TARBP1: variants seen among roughly 807,000 people sequenced by gnomAD.
The protein encoded by TARBP1 is tRNA (guanosine(18)-2'-O)-methyltransferase TARBP1.
Under a neutral mutation model 178.6 loss-of-function variants are expected in TARBP1, and 144 were observed. The ratio of observed to expected loss-of-function variants is 0.81; its 90% CI spans 0.70 to 0.93. TARBP1 has a LOEUF of 0.93. TARBP1 is among the 40% of genes least tolerant of loss of function. The probability of loss-of-function intolerance (pLI) is 0.00; values close to 1 mark genes in which losing one functional copy is unlikely to be tolerated. For synonymous variants in TARBP1, 787 were observed against 781.0 expected (o/e 1.01, Z -0.13); for missense variants, 2,067 against 2,011.7 (o/e 1.03, Z -0.53).
chr1:234,451,766 A>AAAAAAAAAAACAAAAAAAC (rs57636903), intron 9 of TARBP1, among the ~76,000 whole-genome samples: 6 of 17,174 alleles, frequency 3.5e-4, no homozygotes, highest in Non-Finnish European at 5.3e-4. Flanking sequence ...AAAAAAAAAA[A>AAAAAAAAAAACAAAAAAAC]TGATGAATGA....
chr1:234,437,102 T>C (rs139584943), intron 13 of TARBP1, among the ~76,000 whole-genome samples, 173 bp downstream of exon 13: 130 of 152,316 alleles, frequency 8.5e-4, no homozygotes, highest in African/African-American at 3.0e-3. Flanking sequence ...ACAATACAGA[T>C]GGAATTGGAA....
intron 6 of TARBP1, among the ~76,000 whole-genome samples, chr1:234,461,936 A>G (rs1464819739): frequency 6.6e-6 from 1 of 152,200 alleles, no homozygotes; most frequent in Non-Finnish European, 1.5e-5. Flanking sequence ...CTAAAAGGAT[A>G]TTACGCGGAC....
intron 26 of TARBP1, among the ~76,000 whole-genome samples, chr1:234,395,498 C>T (rs1659837763): frequency 6.6e-6 from 1 of 152,136 alleles, no homozygotes; most frequent in African/African-American, 2.4e-5. Flanking sequence ...AGAGCAAAAA[C>T]AGGACAAGAA....
At chr1:234,476,242 A>T (rs1669557780) in intron 1 of TARBP1, among the ~76,000 whole-genome samples, 1 of 152,274 alleles carries the variant, frequency 6.6e-6, no homozygotes, top group Non-Finnish European at 1.5e-5. Context: ...GATGGCAGAC[A>T]TAAAGGAGCA....
At chr1:234,401,383 CTTTATCCTAAGA>C (rs986531368) in intron 24 of TARBP1, 121 bp from the exon 25 acceptor site, 16 of 672,656 alleles carry the variant, frequency 2.4e-5, no homozygotes, top group Non-Finnish European at 3.4e-5. Context: ...ATTTTATGAA[CTTTATCCTAAGA>C]TTTATACACA....
rs371064653 is a variant in TARBP1 at position 234,452,989 on chromosome 1, T to C, written c.1723-2423A>G. Among the ~76,000 whole-genome samples the C allele has an allele frequency of 1.8e-4, 27 of 152,210 alleles. No homozygotes were observed. The East Asian group carries it at 3.1e-3, about 17-fold the overall frequency. On this transcript the variant is annotated intron_variant, in intron 9 of 29. Coordinates refer to ENST00000040877, the MANE Select transcript of TARBP1 (RefSeq NM_005646.4). ...AGGCTGGGTCCTGTATGATTCCAAC[T>C]ATGTGGCATTATGGAAAAGACAAAA...
intron 6 of TARBP1, 122 bp from the exon 7 acceptor site, chr1:234,460,518 A>C: frequency 1.0e-6 from 1 of 973,520 alleles, no homozygotes; most frequent in Non-Finnish European, 1.5e-6. Context: ...CCCACACACT[A>C]TGATGGCTAT....
intron 24 of TARBP1, among the ~76,000 whole-genome samples, chr1:234,403,987 C>T (rs1024259082): frequency 5.9e-5 from 9 of 152,130 alleles, no homozygotes; most frequent in African/African-American, 2.2e-4. Context: ...TGCACCCAGC[C>T]GGATGCCTTA....
intron 3 of TARBP1, among the ~76,000 whole-genome samples, chr1:234,469,111 T>A (rs1171565015): frequency 2.3e-5 from 3 of 128,904 alleles, no homozygotes; most frequent in Non-Finnish European, 3.2e-5. Flanking sequence ...CGCAACGACT[T>A]TCGCACCAAC....
At chr1:234,426,902 G>A (rs1390462212) in intron 19 of TARBP1, among the ~76,000 whole-genome samples, 1 of 152,124 alleles carries the variant, frequency 6.6e-6, no homozygotes, top group African/African-American at 2.4e-5. Context: ...TGTTCCAAGA[G>A]TAATTCTATT....
intron 29 of TARBP1, 95 bp downstream of exon 29, chr1:234,392,321 G>C (rs896761169): frequency 6.9e-7 from 1 of 1,447,002 alleles, no homozygotes; most frequent in African/African-American, 1.4e-5. Context: ...GGGCTACAGA[G>C]TGAGACTCCG....
At chr1:234,453,090 T>G (rs983985128) in intron 9 of TARBP1, among the ~76,000 whole-genome samples, 6 of 152,172 alleles carry the variant, frequency 3.9e-5, no homozygotes, top group Non-Finnish European at 8.8e-5. Context: ...AGAGAATTTT[T>G]GGGGGCAGTG....
intron 22 of TARBP1, 21 bp downstream of exon 22, chr1:234,418,063 T>TA: frequency 3.3e-6 from 4 of 1,212,620 alleles, no homozygotes; most frequent in Non-Finnish European, 4.4e-6. Flanking sequence ...TAAAAATATA[T>TA]AAAAAATATT....
At chr1:234,450,708 T>C in intron 9 of TARBP1, 142 bp from the exon 10 acceptor site, 2 of 935,324 alleles carry the variant, frequency 2.1e-6, no homozygotes, top group Non-Finnish European at 1.6e-6. Flanking sequence ...TTTACTATCA[T>C]ACTTGAGTTC....
chr1:234,465,713 A>AC lies in TARBP1; in HGVS notation c.1249-6_1249-5insG, dbSNP rs1668365359. The AC allele has an allele frequency of 1.5e-6, 2 of 1,348,800 alleles. No individual in the cohort carries two copies. The highest frequency in any genetic ancestry group is 3.1e-5 in the African/African-American group (2 of 64,752). 83.6% of individuals were successfully genotyped at this position (1,348,800 alleles called of 1,614,324 possible). ...CATTAATGGTCCAATAATAAACTAA[A>AC]AAAAAAAAAAAAAAAAGACACGTAA... On this transcript the variant is annotated splice_polypyrimidine_tract_variant and splice_region_variant and intron_variant, in intron 4 of 29. Coordinates refer to ENST00000040877, the MANE Select transcript of TARBP1 (RefSeq NM_005646.4).
Position 234,478,838 on chromosome 1 carries a change from T to C in TARBP1, c.266A>G (p.Gln89Arg), listed in dbSNP as rs1669845103. 6.6e-6 allele frequency: 8 copies of C among 1,212,976 alleles called. No individual in the cohort carries two copies. The South Asian group carries it at 2.5e-4, about 39-fold the overall frequency. 75.1% of individuals were successfully genotyped at this position (1,212,976 alleles called of 1,614,324 possible). A position where few individuals can be genotyped will look rare whatever the true frequency, so the allele number is the denominator to read the frequency against. The change falls in exon 1 of 30, where the codon CAG becomes CGG. Residue 89 changes from glutamine (Q) to arginine (R), a missense_variant. Physicochemically the swap from Gln to Arg is conservative, Grantham distance 43. Coordinates refer to ENST00000040877, the MANE Select transcript of TARBP1 (RefSeq NM_005646.4). ...CAGCACGCGCCGGCGGTGGCGAGGC[T>C]GCAGACTGGGGTCCGGGCCGCCCGC... ...RPAGGPDPSL[Q>R]PRHRRRVLRA...
At chr1:234,451,467 G>GATCAACGAAGTGGTCAGGACTAAAAGA (rs1572359217) in intron 9 of TARBP1, among the ~76,000 whole-genome samples, 10 of 41,690 alleles carry the variant, frequency 2.4e-4, no homozygotes, top group East Asian at 7.3e-4. Context: ...TGATGAATGG[G>GATCAACGAAGTGGTCAGGACTAAAAGA]CCGGGCGCGG....
Position 234,459,285 on chromosome 1 carries a change from A to T in TARBP1, c.1577T>A (p.Leu526Gln), listed in dbSNP as rs1365807489. Reference sequence around the variant, plus strand: ...AAGGTAGCATTGGGCTGCCCCTCTCAGGAGAATCTGATGTGTGATCATAGT... The same window carrying T: ...AAGGTAGCATTGGGCTGCCCCTCTCTGGAGAATCTGATGTGTGATCATAGT... Reference protein sequence around the residue: ...HCTMITHQILLRGAAQCYLLQ... With the variant: ...HCTMITHQILQRGAAQCYLLQ... Residue 526 changes from leucine (L) to glutamine (Q), a missense_variant, in exon 8 of 30, where the codon CTG becomes CAG. Transcript: ENST00000040877. 2 of 1,613,564 alleles carry T rather than the reference A, an allele frequency of 1.2e-6. No homozygotes were observed. The highest frequency in any genetic ancestry group is 1.7e-6 in the Non-Finnish European group (2 of 1,179,830).
At chr1:234,435,554 T>C (rs4920241) in intron 13 of TARBP1, among the ~76,000 whole-genome samples, 35,892 of 152,070 alleles carry the variant, frequency 0.24, 5,066 homozygotes, top group East Asian at 0.41. Context: ...AGGAGAAAAG[T>C]AGTAGTTGAA....
Sources: allele counts gnomAD v4.1 joint callset (sites outside exome capture counted in the v4.1 genomes callset), GRCh38; gene constraint gnomAD v4.1.1; transcripts MANE v1.5; gene names NCBI Gene and HGNC (gene_info 2026-07-23, HGNC 2026-07-21).